The following ADAMTS12 variants were observed in gnomAD, a reference collection of about 807,000 sequenced individuals.
ADAMTS12 encodes A disintegrin and metalloproteinase with thrombospondin motifs 12.
In ADAMTS12, 118 loss-of-function variants were observed where a neutral mutation model predicts 167.8. The ratio of observed to expected loss-of-function variants is 0.70; its 90% confidence interval spans 0.61 to 0.82. The LOEUF (loss-of-function observed/expected upper bound fraction) is 0.82. Among genes scored for constraint, ADAMTS12 ranks in the 40% least tolerant of loss-of-function variants. The pLI is 0.00. For synonymous variants in ADAMTS12, 704 were observed against 716.9 expected (o/e 0.98, Z 0.29); for missense variants, 1,916 against 1,998.8 (o/e 0.96, Z 0.79).
At chr5:33,538,358 C>T (rs945843717) in intron 22 of ADAMTS12, among the ~76,000 whole-genome samples, 18 of 152,290 alleles carry the variant, frequency 1.2e-4, no homozygotes, top group African/African-American at 4.1e-4. Context: ...GATCCGCTCA[C>T]CTGCCACTGG....
intron 2 of ADAMTS12, among the ~76,000 whole-genome samples, chr5:33,848,451 G>C (rs1409582501): frequency 1.3e-5 from 2 of 152,150 alleles, no homozygotes; most frequent in African/African-American, 4.8e-5. Flanking sequence ...TTGAAGACAA[G>C]AACAAGATCT....
chr5:33,698,296 G>A (rs538899891), intron 3 of ADAMTS12, among the ~76,000 whole-genome samples: 1 of 152,288 alleles, frequency 6.6e-6, no homozygotes, highest in South Asian at 2.1e-4. Flanking sequence ...GATGATGAGA[G>A]GAATCCAGGA....
intron 2 of ADAMTS12, among the ~76,000 whole-genome samples, chr5:33,788,956 C>T (rs1243254323): frequency 6.6e-6 from 1 of 152,150 alleles, no homozygotes; most frequent in Non-Finnish European, 1.5e-5. Flanking sequence ...GAGGTTCTTC[C>T]CTTCCCAGGA....
chr5:33,823,835 A>C (rs904827910), intron 2 of ADAMTS12, among the ~76,000 whole-genome samples: 1 of 152,172 alleles, frequency 6.6e-6, no homozygotes, highest in Non-Finnish European at 1.5e-5. Context: ...TCTGATTGAG[A>C]CAGGGGTCTC....
intron 2 of ADAMTS12, among the ~76,000 whole-genome samples, chr5:33,879,966 G>A (rs1442154064): frequency 1.3e-5 from 2 of 152,268 alleles, no homozygotes; most frequent in South Asian, 4.2e-4. Flanking sequence ...AGGGACCAAG[G>A]CCAAAAACAC....
chr5:33,533,086 A>G (rs1744195621), intron 23 of ADAMTS12, among the ~76,000 whole-genome samples: 1 of 152,210 alleles, frequency 6.6e-6, no homozygotes, highest in Non-Finnish European at 1.5e-5. Flanking sequence ...CCAGCCAACT[A>G]TTCGTCGCCA....
chr5:33,527,100 A>C lies in ADAMTS12; in HGVS notation c.*88T>G. The stretch of plus-strand genomic sequence containing the variant: ...AAGCTGAATCTGAAATATATGAAGC[A>C]AAACCTCAACGAAGCAGCTCCCAGG... On this transcript the variant is annotated 3_prime_UTR_variant, in exon 24 of 24. Transcript: ENST00000504830. 1 of 1,507,624 alleles carries C rather than the reference A, an allele frequency of 6.6e-7. No homozygotes were observed. The highest frequency in any genetic ancestry group is 9.0e-7 in the Non-Finnish European group (1 of 1,105,316). 93.4% of individuals were successfully genotyped at this position (1,507,624 alleles called of 1,614,324 possible).
chr5:33,891,621 G>T (rs112861073), intron 1 of ADAMTS12, 109 bp downstream of exon 1: 18,359 of 1,521,476 alleles, frequency 0.012, 157 homozygotes, highest in African/African-American at 0.035. Context: ...CAGCCAAATG[G>T]CTTTTCAGAG....
intron 2 of ADAMTS12, among the ~76,000 whole-genome samples, chr5:33,865,854 C>A (rs190719722): frequency 6.6e-6 from 1 of 152,220 alleles, no homozygotes; most frequent in African/African-American, 2.4e-5. Flanking sequence ...AACTCAATCC[C>A]TTTAACAATC....
chr5:33,860,913 T>C (rs1406122569), intron 2 of ADAMTS12, among the ~76,000 whole-genome samples: 3 of 152,194 alleles, frequency 2.0e-5, no homozygotes, highest in Non-Finnish European at 4.4e-5. Flanking sequence ...CAGCCTAGAA[T>C]TTCATATTCA....
At chr5:33,597,335 C>G (rs1737944797) in intron 16 of ADAMTS12, among the ~76,000 whole-genome samples, 1 of 152,174 alleles carries the variant, frequency 6.6e-6, no homozygotes, top group African/African-American at 2.4e-5. Flanking sequence ...GACTAAGAAC[C>G]CTGAAAGGCA....
At chr5:33,751,599 AC>A (rs1314027086) in intron 2 of ADAMTS12, 51 bp from the exon 3 acceptor site, 1 of 1,578,618 alleles carries the variant, frequency 6.3e-7, no homozygotes, top group African/African-American at 1.4e-5. Context: ...CTACATACCT[AC>A]TAAAAACAAA....
At chr5:33,559,773 C>T (rs145326128) in intron 20 of ADAMTS12, among the ~76,000 whole-genome samples, 2,158 of 152,046 alleles carry the variant, frequency 0.014, 24 homozygotes, top group Middle Eastern at 0.054. Flanking sequence ...CCCAGCTACC[C>T]GGAGGTTAAG....
intron 3 of ADAMTS12, among the ~76,000 whole-genome samples, chr5:33,693,520 T>A (rs556742718): frequency 7.2e-5 from 11 of 152,356 alleles, no homozygotes; most frequent in African/African-American, 2.6e-4. Context: ...ATAGTATGTA[T>A]GTTCATTCAG....
At chr5:33,782,430 C>A (rs1746167520) in intron 2 of ADAMTS12, among the ~76,000 whole-genome samples, 1 of 151,788 alleles carries the variant, frequency 6.6e-6, no homozygotes, top group African/African-American at 2.4e-5. Context: ...AGATGTAAAT[C>A]CAACCAACAT....
chr5:33,582,536 C>T (rs537718596), intron 18 of ADAMTS12, among the ~76,000 whole-genome samples: 9 of 152,328 alleles, frequency 5.9e-5, no homozygotes, highest in African/African-American at 2.2e-4. Context: ...TCTTCTATCC[C>T]AAGAGCCAGA....
chr5:33,649,410 C>T (rs74998664), intron 8 of ADAMTS12, 144 bp downstream of exon 8: 32,418 of 1,005,944 alleles, frequency 0.032, 589 homozygotes, highest in African/African-American at 0.052. Context: ...AAGTGAAATC[C>T]GCCCCTTCTG....
chr5:33,783,943 GA>G (rs1746238117), intron 2 of ADAMTS12, among the ~76,000 whole-genome samples: 1 of 151,606 alleles, frequency 6.6e-6, no homozygotes, highest in South Asian at 2.1e-4. Flanking sequence ...CATGAATAAG[GA>G]TATAAAAATT....
chr5:33,850,533 C>T (rs1434240274), intron 2 of ADAMTS12, among the ~76,000 whole-genome samples: 2 of 152,158 alleles, frequency 1.3e-5, no homozygotes, highest in Non-Finnish European at 2.9e-5. Flanking sequence ...AACAGGCTCT[C>T]GACACCATAG....
Sources: allele counts gnomAD v4.1 joint callset (sites outside exome capture counted in the v4.1 genomes callset), GRCh38; gene constraint gnomAD v4.1.1; transcripts MANE v1.5; gene names NCBI Gene and HGNC (gene_info 2026-07-23, HGNC 2026-07-21).